The following TENM1 variants were observed in gnomAD, a reference collection of about 807,000 sequenced individuals.
TENM1 encodes the protein teneurin-1.
TENM1 carries 35 observed loss-of-function variants against 174.8 expected under a neutral mutation model. The ratio of observed to expected loss-of-function variants is 0.20; its 90% confidence interval spans 0.15 to 0.27. The LOEUF is 0.27. Ranked by LOEUF, TENM1 falls within the 10% of genes least tolerant of loss-of-function variation. The probability of loss-of-function intolerance (pLI) is 1.00; values close to 1 mark genes in which losing one functional copy is unlikely to be tolerated. For missense variants in TENM1, 1,633 were observed against 2,130.1 expected, an observed-to-expected ratio of 0.77 and a Z score of 4.59; for synonymous variants, 781 against 798.7, an observed-to-expected ratio of 0.98 and a Z score of 0.37.
chrX:124,486,149 T>C (rs139015263), intron 21 of TENM1, among the ~76,000 whole-genome samples: 411 of 112,024 alleles, frequency 3.7e-3, no homozygotes, highest in Admixed American at 6.7e-3. Context: ...AAAAAACCAC[T>C]GGACTATATT....
chrX:125,162,475 T>C, the TENM1 span, among the ~76,000 whole-genome samples: 1 of 111,992 alleles, frequency 8.9e-6, no homozygotes, highest in Middle Eastern at 4.2e-3. Flanking sequence ...TTTTTTTCAA[T>C]TTTCAGCCTA....
At chrX:125,092,026 A>G in the TENM1 span, among the ~76,000 whole-genome samples, 1 of 106,697 alleles carries the variant, frequency 9.4e-6, no homozygotes, top group East Asian at 3.0e-4. Flanking sequence ...GGTTTCATAG[A>G]GCTTGGGATA....
At chrX:125,045,441 T>G in the TENM1 span, among the ~76,000 whole-genome samples, 2 of 111,850 alleles carry the variant, frequency 1.8e-5, no homozygotes, top group African/African-American at 6.5e-5. Context: ...GTCTCTGCTT[T>G]TATTACTGGT....
At position 124,838,042 on chromosome X, in the gene TENM1, C is replaced by T. The variant is rs369727569; in HGVS notation, c.535+56254G>A. On this transcript the variant is annotated intron_variant, in intron 3 of 31. Transcript: ENST00000422452. ...TTTCAGACATGTCCCCCAGGCATAC[C>T]AGCTCTCAGACTTGTGAGAAGAGCA... 1.4e-3 allele frequency among the ~76,000 whole-genome samples: 155 copies of T among 112,393 alleles called. 1 individual carries two copies. Among genetic ancestry groups the T allele is most frequent in the African/African-American group, 4.8e-3 (149 of 30,947 alleles).
intron 23 of TENM1, among the ~76,000 whole-genome samples, chrX:124,423,564 G>A (rs73546652): frequency 0.011 from 1,204 of 111,012 alleles, 21 homozygotes; most frequent in African/African-American, 0.037. Flanking sequence ...CCTGGACTAG[G>A]AGTCAGGAGG....
intron 3 of TENM1, among the ~76,000 whole-genome samples, chrX:124,810,290 C>T (rs947297521): frequency 9.0e-6 from 1 of 111,561 alleles, no homozygotes; most frequent in African/African-American, 3.3e-5. Flanking sequence ...TGTTTGTAGA[C>T]ATGATCTTAT....
chrX:125,049,951 A>G, the TENM1 span, among the ~76,000 whole-genome samples: 1 of 109,190 alleles, frequency 9.2e-6, no homozygotes, highest in Non-Finnish European at 1.9e-5. Context: ...TTTCCATTCT[A>G]TGGGTTGTCA....
At chrX:124,865,745 A>G in intron 3 of TENM1, among the ~76,000 whole-genome samples, 1 of 111,602 alleles carries the variant, frequency 9.0e-6, no homozygotes, top group East Asian at 2.8e-4. Context: ...AAAAATATTG[A>G]TCTGTTGCCT....
chrX:124,553,186 C>A (rs1196491451), intron 14 of TENM1, among the ~76,000 whole-genome samples: 1 of 110,873 alleles, frequency 9.0e-6, no homozygotes, highest in Non-Finnish European at 1.9e-5. Context: ...ACTGTAGTCA[C>A]CCTGTTGTGC....
chrX:124,497,216 G>T, exon 20 of TENM1: 1 of 1,208,775 alleles, frequency 8.3e-7, no homozygotes, highest in Non-Finnish European at 1.1e-6. Context: ...ATATGACTGG[G>T]GGCTGCTGGG....
chrX:124,701,119 T>C (rs2052765674), intron 5 of TENM1, among the ~76,000 whole-genome samples: 1 of 111,556 alleles, frequency 9.0e-6, no homozygotes, highest in Admixed American at 9.6e-5. Context: ...TGACAAGATT[T>C]ATGGACTGAA....
the TENM1 span, among the ~76,000 whole-genome samples, chrX:124,977,879 T>C: frequency 6.5e-5 from 7 of 108,389 alleles, no homozygotes; most frequent in African/African-American, 2.4e-4. Flanking sequence ...CTTCTGGGAC[T>C]CACATTATGC....
the TENM1 span, among the ~76,000 whole-genome samples, chrX:125,067,856 A>T: frequency 2.7e-5 from 3 of 112,000 alleles, no homozygotes; most frequent in Middle Eastern, 4.6e-3. Flanking sequence ...TTTTTTTGAG[A>T]GAATAAAAGT....
chrX:124,480,526 G>A (rs1361515035), intron 22 of TENM1, among the ~76,000 whole-genome samples: 1 of 112,125 alleles, frequency 8.9e-6, no homozygotes, highest in Non-Finnish European at 1.9e-5. Context: ...TGTAAAACAG[G>A]TTACAGAACA....
At chrX:124,640,213 A>G (rs2050979501) in intron 11 of TENM1, among the ~76,000 whole-genome samples, 1 of 111,616 alleles carries the variant, frequency 9.0e-6, no homozygotes, top group Non-Finnish European at 1.9e-5. Context: ...TAGCATTTTG[A>G]TCATTTTCTG....
At chrX:124,410,873 C>A (rs986082870) in intron 25 of TENM1, among the ~76,000 whole-genome samples, 2 of 112,043 alleles carry the variant, frequency 1.8e-5, no homozygotes, top group African/African-American at 3.2e-5. Flanking sequence ...GCTGTGGATG[C>A]AGGTTCCACA....
At chrX:124,731,674 G>T (rs776102923) in intron 4 of TENM1, among the ~76,000 whole-genome samples, 11 of 112,092 alleles carry the variant, frequency 9.8e-5, no homozygotes, top group African/African-American at 1.3e-4. Context: ...TAGGAAAAAA[G>T]TAGTAACCAT....
intron 22 of TENM1, among the ~76,000 whole-genome samples, chrX:124,471,969 T>C (rs2061338707): frequency 9.4e-6 from 1 of 106,469 alleles, no homozygotes; most frequent in Admixed American, 1.1e-4. Flanking sequence ...GTATAGAGAG[T>C]AAGGGGAAGT....
intron 25 of TENM1, among the ~76,000 whole-genome samples, chrX:124,412,750 C>T (rs1230108624): frequency 3.6e-5 from 4 of 112,481 alleles, no homozygotes; most frequent in African/African-American, 1.3e-4. Flanking sequence ...GTGCTAGGGA[C>T]CAGGGATACA....
Sources: gnomAD v4.1 joint callset for allele counts (sites outside exome capture counted in the v4.1 genomes callset) on GRCh38, gnomAD v4.1.1 for gene constraint, MANE v1.5 for transcripts, NCBI Gene and HGNC (gene_info 2026-07-23, HGNC 2026-07-21) for gene names.